VSTM4: variants seen among roughly 807,000 people sequenced by gnomAD.
The protein encoded by VSTM4 is V-set and transmembrane domain-containing protein 4.
In VSTM4, 20 loss-of-function variants were observed where a neutral mutation model predicts 36.4. That is an observed-to-expected ratio of 0.55 (90% CI 0.39 to 0.80). The LOEUF (loss-of-function observed/expected upper bound fraction) is 0.80, where lower values mean the gene tolerates loss of function less well. VSTM4 is among the 30% of genes least tolerant of loss of function. VSTM4 has a pLI of 0.00. For missense variants in VSTM4, 392 were observed against 404.5 expected (o/e 0.97, Z 0.26); for synonymous variants, 182 against 173.9 (o/e 1.05, Z -0.37).
At chr10:49,104,680 G>C (rs1328097030) in intron 2 of VSTM4, among the ~76,000 whole-genome samples, 2 of 152,238 alleles carry the variant, frequency 1.3e-5, no homozygotes, top group African/African-American at 2.4e-5. Context: ...GACATGGCAA[G>C]GGAGGCTGAG....
At chr10:49,035,999 A>G (rs1403601760) in intron 7 of VSTM4, among the ~76,000 whole-genome samples, 1 of 152,170 alleles carries the variant, frequency 6.6e-6, no homozygotes, top group Non-Finnish European at 1.5e-5. Context: ...CAGGCAGTAG[A>G]GGGGCCTTGG....
At chr10:49,086,583 T>C (rs1392830316) in intron 2 of VSTM4, among the ~76,000 whole-genome samples, 1 of 152,208 alleles carries the variant, frequency 6.6e-6, no homozygotes, top group Non-Finnish European at 1.5e-5. Context: ...AGAATTGAGT[T>C]ACACTGTGTG....
At chr10:49,052,289 T>A (rs936699949) in intron 5 of VSTM4, among the ~76,000 whole-genome samples, 4 of 152,218 alleles carry the variant, frequency 2.6e-5, no homozygotes, top group Non-Finnish European at 5.9e-5. Context: ...TCAATTTTTT[T>A]AAAATGACTC....
At chr10:49,045,682 C>G (rs545196872) in intron 7 of VSTM4, among the ~76,000 whole-genome samples, 63 of 152,264 alleles carry the variant, frequency 4.1e-4, no homozygotes, top group African/African-American at 1.4e-3. Context: ...CAAATAGAGT[C>G]TGGAAAGGAG....
At position 49,022,878 on chromosome 10, in the gene VSTM4, C is replaced by T. The variant is rs115882944; in HGVS notation, c.838-3103G>A. ...TGTTTATTCTTAAGTTATTCCATTA[C>T]GTTTGGATATGAAAAATAACACTAG... On this transcript the variant is annotated intron_variant, in intron 7 of 7. Coordinates refer to ENST00000332853, the MANE Select transcript of VSTM4 (RefSeq NM_001031746.5). 7.0e-3 allele frequency among the ~76,000 whole-genome samples: 1,067 copies of T among 152,174 alleles called. 12 individuals are homozygous for T. The highest frequency in any genetic ancestry group is 0.024 in the African/African-American group (1,011 of 41,516).
chr10:49,034,958 A>G (rs530657079), intron 7 of VSTM4, among the ~76,000 whole-genome samples: 10 of 152,356 alleles, frequency 6.6e-5, no homozygotes, highest in South Asian at 2.1e-4. Flanking sequence ...CAGTGCAATG[A>G]TCTCAGAAAT....
intron 7 of VSTM4, among the ~76,000 whole-genome samples, chr10:49,038,330 T>C (rs1482278647): frequency 6.6e-6 from 1 of 152,226 alleles, no homozygotes; most frequent in African/African-American, 2.4e-5. Context: ...ATAAGGACAT[T>C]ATGCTAAGCA....
intron 3 of VSTM4, among the ~76,000 whole-genome samples, chr10:49,084,770 T>G (rs2131999747): frequency 6.6e-6 from 1 of 152,368 alleles, no homozygotes; most frequent in South Asian, 2.1e-4. Flanking sequence ...ACAAAGTGCA[T>G]TCTTTAATTG....
chr10:49,048,331 G>T, intron 6 of VSTM4, 147 bp downstream of exon 6: 2 of 687,502 alleles, frequency 2.9e-6, no homozygotes, highest in Non-Finnish European at 4.4e-6. Context: ...CAGAATCTAG[G>T]TGGGGGTCCA....
rs570288045 is a variant in VSTM4 at position 49,048,598 on chromosome 10, A to T, written c.669-14T>A. The T allele has an allele frequency of 2.5e-6, 4 of 1,572,882 alleles. No individual in the cohort carries two copies. In the Admixed American group the frequency reaches 8.3e-5, roughly 33 times the overall value. ...GTCTCCCCTGAGCTGTAGAAGAAAA[A>T]GTTTCCAGTGAAACCAAAGGCAGAT... On this transcript the variant is annotated splice_polypyrimidine_tract_variant and intron_variant, in intron 5 of 7. Transcript: ENST00000332853.
At chr10:49,094,029 T>G (rs1240360159) in intron 2 of VSTM4, among the ~76,000 whole-genome samples, 1 of 152,286 alleles carries the variant, frequency 6.6e-6, no homozygotes, top group Non-Finnish European at 1.5e-5. Context: ...TTACAGGCGT[T>G]AGCCACGGTG....
chr10:49,108,724 T>C (rs1018121593), intron 1 of VSTM4, among the ~76,000 whole-genome samples: 12 of 152,186 alleles, frequency 7.9e-5, no homozygotes, highest in Admixed American at 7.2e-4. Context: ...AAAAGACACT[T>C]TGGAATTCCA....
chr10:49,087,912 T>C (rs1844397080), intron 2 of VSTM4, among the ~76,000 whole-genome samples: 1 of 146,514 alleles, frequency 6.8e-6, no homozygotes, highest in African/African-American at 2.5e-5. Context: ...GTTATATATG[T>C]ATATATATAC....
In VSTM4 at chr10:49,072,044, A is replaced by G. The variant is rs12218977; in HGVS notation, c.634+5175T>C. 1.0e-3 allele frequency among the ~76,000 whole-genome samples: 153 copies of G among 152,318 alleles called. 1 individual carries two copies. The East Asian group carries it at 0.022, about 22-fold the overall frequency. On this transcript the variant is annotated intron_variant, in intron 4 of 7. Transcript: ENST00000332853. ...TAAATGACAGAATATGTTATATTTG[A>G]AAGTTAAGAGTGTTGCAGGTTTTAG...
intron 2 of VSTM4, among the ~76,000 whole-genome samples, chr10:49,104,950 G>A (rs1296949204): frequency 6.7e-6 from 1 of 149,614 alleles, no homozygotes; most frequent in Non-Finnish European, 1.5e-5. Context: ...GAAAGACACA[G>A]AGGGAGAGAG....
chr10:49,046,868 G>A (rs914896012), intron 7 of VSTM4, 115 bp downstream of exon 7: 3 of 1,045,986 alleles, frequency 2.9e-6, no homozygotes, highest in South Asian at 1.4e-5. Flanking sequence ...TTTTGTTTGG[G>A]GACAAAAGTT....
chr10:49,039,194 C>T (rs1371763702), intron 7 of VSTM4, among the ~76,000 whole-genome samples: 3 of 152,072 alleles, frequency 2.0e-5, no homozygotes, highest in Admixed American at 2.0e-4. Context: ...TAGAGCTGAG[C>T]AGCAGCTCTG....
intron 7 of VSTM4, among the ~76,000 whole-genome samples, chr10:49,030,389 G>T (rs1368844005): frequency 1.3e-5 from 2 of 152,180 alleles, no homozygotes; most frequent in African/African-American, 4.8e-5. Flanking sequence ...TGGGGCCTAG[G>T]CACTCTCGGA....
chr10:49,095,769 A>G (rs1844559798), intron 2 of VSTM4, among the ~76,000 whole-genome samples: 1 of 150,408 alleles, frequency 6.6e-6, no homozygotes, highest in South Asian at 2.1e-4. Context: ...TGCTACCTCC[A>G]TAACGTCTAT....
Sources: allele counts gnomAD v4.1 joint callset (sites outside exome capture counted in the v4.1 genomes callset), GRCh38; gene constraint gnomAD v4.1.1; transcripts MANE v1.5; gene names NCBI Gene and HGNC (gene_info 2026-07-23, HGNC 2026-07-21).